Variants in DLC1 observed in about 807,000 individuals in gnomAD.
The protein encoded by DLC1 is DLC1 Rho GTPase activating protein.
Under a neutral mutation model 140.3 loss-of-function variants are expected in DLC1, and 54 were observed. The observed-to-expected ratio is 0.38, with a 90% CI of 0.31 to 0.48. DLC1 has a LOEUF of 0.48. DLC1 is among the 20% of genes least tolerant of loss of function. DLC1 has a pLI of 0.96. For missense variants in DLC1, 2,536 were observed against 1,907.0 expected (o/e 1.33, Z -6.14); for synonymous variants, 986 against 728.1 (o/e 1.35, Z -5.70).
intron 4 of DLC1, among the ~76,000 whole-genome samples, chr8:13,352,011 G>C (rs563885743): frequency 1.3e-5 from 2 of 152,330 alleles, no homozygotes; most frequent in East Asian, 3.9e-4. Flanking sequence ...TGGGATTACA[G>C]GCATGAGCCA....
intron 2 of DLC1, among the ~76,000 whole-genome samples, chr8:13,464,205 G>A (rs1285506615): frequency 1.3e-5 from 2 of 152,150 alleles, no homozygotes; most frequent in African/African-American, 4.8e-5. Flanking sequence ...TGGAGGGCTA[G>A]ATGTGTGGTG....
intron 1 of DLC1, among the ~76,000 whole-genome samples, chr8:13,531,057 T>C (rs1369668828): frequency 1.3e-5 from 2 of 151,858 alleles, no homozygotes; most frequent in Non-Finnish European, 2.9e-5. Flanking sequence ...GAGGAGGAGA[T>C]CCCAGAGTTC....
At chr8:13,489,677 C>G (rs1237263797) in intron 2 of DLC1, among the ~76,000 whole-genome samples, 1 of 152,000 alleles carries the variant, frequency 6.6e-6, no homozygotes, top group Non-Finnish European at 1.5e-5. Context: ...GGCAGTTTGG[C>G]TTCAGAGGCT....
chr8:13,406,949 C>T (rs760615172), intron 2 of DLC1, among the ~76,000 whole-genome samples: 2 of 152,104 alleles, frequency 1.3e-5, no homozygotes, highest in South Asian at 2.1e-4. Context: ...CATTATGTGT[C>T]TGTGTAGTGC....
chr8:13,251,255 C>G (rs1402753245), intron 5 of DLC1, among the ~76,000 whole-genome samples: 2 of 152,176 alleles, frequency 1.3e-5, no homozygotes, highest in Non-Finnish European at 2.9e-5. Flanking sequence ...CAATTATCTC[C>G]TAACACAGTA....
In DLC1 at chr8:13,326,843, G is replaced by T. The variant is rs1356427933; in HGVS notation, c.1315-21541C>A. On this transcript the variant is annotated intron_variant, in intron 4 of 17. Transcript: ENST00000276297. Reference sequence around the variant, plus strand: ...GGAATCATATTTTGAGAAGTACCGAGCTAGGAGAACATGCTGGTGTGATTG... The same window carrying T: ...GGAATCATATTTTGAGAAGTACCGATCTAGGAGAACATGCTGGTGTGATTG... 3.3e-5 allele frequency among the ~76,000 whole-genome samples: 5 copies of T among 152,228 alleles called. 1 individual carries two copies. The South Asian group carries it at 6.2e-4, about 19-fold the overall frequency.
intron 1 of DLC1, among the ~76,000 whole-genome samples, chr8:13,512,253 G>C (rs138831098): frequency 6.6e-6 from 1 of 152,104 alleles, no homozygotes; most frequent in African/African-American, 2.4e-5. Context: ...AAAAAGTATC[G>C]TGACACATTC....
chr8:13,090,400 G>A lies in DLC1; in HGVS notation c.3926C>T (p.Ala1309Val), dbSNP rs1009811696. 2.5e-6 allele frequency: 4 copies of A among 1,614,102 alleles called. No homozygotes were observed. The highest frequency in any genetic ancestry group is 2.7e-5 in the African/African-American group (2 of 74,948). ...EQELKPLTLE[A>V]LGHLGNDDSA... ...GTCATCATTACCCAGGTGCCCGAGT[G>A]CTTCCAGAGTGAGGGGCTTCAGCTC... Residue 1309 changes from alanine (A) to valine (V), a missense_variant, in exon 15 of 18, where the codon GCA (alanine) becomes GTA (valine). Coordinates refer to ENST00000276297, the MANE Select transcript of DLC1 (RefSeq NM_182643.3).
chr8:13,547,425 A>C (rs547610109), intron 1 of DLC1, among the ~76,000 whole-genome samples: 10 of 152,172 alleles, frequency 6.6e-5, no homozygotes, highest in African/African-American at 1.7e-4. Flanking sequence ...ATTAAAGAAG[A>C]AAATGACTGC....
At chr8:13,412,995 T>A (rs73205787) in intron 2 of DLC1, among the ~76,000 whole-genome samples, 17,191 of 150,938 alleles carry the variant, frequency 0.11, 1,177 homozygotes, top group Admixed American at 0.18. Flanking sequence ...AGGGTTCATG[T>A]TTAATGAGCA....
At position 13,117,336 on chromosome 8, in the gene DLC1, G is replaced by C. The variant is rs182734746; in HGVS notation, c.1349-1679C>G. On this transcript the variant is annotated intron_variant, in intron 5 of 17. Transcript: ENST00000276297. ...AGAAAAAAATTACAAAAATTAGTCAGGTGTGGTGGTGTGCTCCTGTAGTCC... is the reference window on the plus strand; with the variant it reads ...AGAAAAAAATTACAAAAATTAGTCACGTGTGGTGGTGTGCTCCTGTAGTCC... Among the ~76,000 whole-genome samples, 214 of 152,118 alleles carry C rather than the reference G, an allele frequency of 1.4e-3. 1 individual carries two copies. The highest frequency in any genetic ancestry group is 5.0e-3 in the African/African-American group (206 of 41,510).
chr8:13,162,949 G>A (rs1824830023), intron 5 of DLC1, among the ~76,000 whole-genome samples: 1 of 152,144 alleles, frequency 6.6e-6, no homozygotes, highest in Admixed American at 6.5e-5. Context: ...TGGGGCTTGA[G>A]GATTCTTACA....
chr8:13,134,004 T>G (rs1822361149), intron 5 of DLC1, among the ~76,000 whole-genome samples: 1 of 152,242 alleles, frequency 6.6e-6, no homozygotes, highest in Admixed American at 6.5e-5. Context: ...TTTCTCAAAC[T>G]GGCCCTTGGG....
intron 5 of DLC1, among the ~76,000 whole-genome samples, chr8:13,238,846 G>A (rs1329429901): frequency 2.0e-5 from 3 of 152,166 alleles, no homozygotes; most frequent in African/African-American, 7.2e-5. Context: ...TTCCAGGAGG[G>A]GCGTGGGCTT....
chr8:13,580,278 A>G (rs1805044287), intron 1 of DLC1, among the ~76,000 whole-genome samples: 1 of 151,928 alleles, frequency 6.6e-6, no homozygotes. Flanking sequence ...GACCGCCACC[A>G]CGCGCGGCTA....
intron 2 of DLC1, among the ~76,000 whole-genome samples, chr8:13,438,345 G>C (rs1031028268): frequency 1.3e-5 from 2 of 152,138 alleles, no homozygotes; most frequent in South Asian, 4.1e-4. Context: ...ATTTTTGTAA[G>C]CTAATGATAG....
intron 5 of DLC1, among the ~76,000 whole-genome samples, chr8:13,259,881 A>G (rs927810686): frequency 6.6e-6 from 1 of 152,334 alleles, no homozygotes; most frequent in African/African-American, 2.4e-5. Flanking sequence ...ATAGAAATAA[A>G]AATAAGCATG....
intron 5 of DLC1, among the ~76,000 whole-genome samples, chr8:13,187,847 G>A (rs374483823): frequency 4.6e-5 from 7 of 152,086 alleles, no homozygotes; most frequent in African/African-American, 7.2e-5. Flanking sequence ...GGGATTCCTC[G>A]GCTCCCCAAC....
intron 2 of DLC1, among the ~76,000 whole-genome samples, chr8:13,403,807 G>GTTT (rs369715973): frequency 0.021 from 1,860 of 86,952 alleles, 20 homozygotes; most frequent in Non-Finnish European, 0.025. Flanking sequence ...AGGTCTGGCT[G>GTTT]TTTTTTTTTT....
Sources: allele counts gnomAD v4.1 joint callset (sites outside exome capture counted in the v4.1 genomes callset), GRCh38; gene constraint gnomAD v4.1.1; transcripts MANE v1.5; gene names NCBI Gene and HGNC (gene_info 2026-07-23, HGNC 2026-07-21).